Variants in ATRN observed in about 807,000 individuals in gnomAD.
The protein encoded by ATRN is attractin-2.
Under a neutral mutation model 178.7 loss-of-function variants are expected in ATRN, and 54 were observed. The observed-to-expected ratio is 0.30, with a 90% CI of 0.24 to 0.38. The LOEUF is 0.38. Ranked by LOEUF, ATRN falls within the 10% of genes least tolerant of loss-of-function variation. The pLI is 1.00. For synonymous variants in ATRN, 636 were observed against 663.0 expected, an observed-to-expected ratio of 0.96 and a Z score of 0.63; for missense variants, 1,443 against 1,815.1, an observed-to-expected ratio of 0.79 and a Z score of 3.73.
chr20:3,629,865 C>T (rs1396643090), intron 25 of ATRN, among the ~76,000 whole-genome samples: 1 of 152,178 alleles, frequency 6.6e-6, no homozygotes, highest in African/African-American at 2.4e-5. Context: ...TCTTTCATGC[C>T]GTCTCTGGAC....
chr20:3,497,745 C>A (rs1406562653), intron 1 of ATRN, among the ~76,000 whole-genome samples: 1 of 152,108 alleles, frequency 6.6e-6, no homozygotes, highest in Non-Finnish European at 1.5e-5. Context: ...TGGATAATAT[C>A]CTGCAGAGTG....
chr20:3,528,981 T>G (rs1313466722), intron 1 of ATRN, among the ~76,000 whole-genome samples: 1 of 152,022 alleles, frequency 6.6e-6, no homozygotes, highest in Non-Finnish European at 1.5e-5. Context: ...CTTGGCTAAG[T>G]TTTTTGTGTT....
At chr20:3,503,145 G>A (rs535609471) in intron 1 of ATRN, among the ~76,000 whole-genome samples, 2 of 152,042 alleles carry the variant, frequency 1.3e-5, no homozygotes, top group Non-Finnish European at 2.9e-5. Context: ...AACAAAGCAG[G>A]CTAAATAACA....
intron 18 of ATRN, among the ~76,000 whole-genome samples, chr20:3,588,189 T>G (rs112750727): frequency 1.7e-4 from 26 of 152,320 alleles, no homozygotes; most frequent in African/African-American, 6.3e-4. Flanking sequence ...CCTATGAACC[T>G]GGAATGTCTA....
intron 1 of ATRN, among the ~76,000 whole-genome samples, chr20:3,482,442 T>C (rs1459228676): frequency 1.3e-5 from 2 of 152,228 alleles, no homozygotes; most frequent in Non-Finnish European, 2.9e-5. Context: ...TGATTCTGAA[T>C]GATAAAATGA....
At chr20:3,484,809 A>G (rs1375296488) in intron 1 of ATRN, among the ~76,000 whole-genome samples, 1 of 151,932 alleles carries the variant, frequency 6.6e-6, no homozygotes, top group East Asian at 1.9e-4. Context: ...AGCTTTTTTC[A>G]AATGATCTGA....
intron 1 of ATRN, among the ~76,000 whole-genome samples, chr20:3,522,385 G>A (rs2085307236): frequency 6.6e-6 from 1 of 152,168 alleles, no homozygotes; most frequent in Non-Finnish European, 1.5e-5. Context: ...TCTGGGCAGG[G>A]CATCTCTGAA....
At chr20:3,646,591 G>A (rs2087109397) in intron 28 of ATRN, 132 bp from the exon 29 acceptor site, 1 of 1,292,484 alleles carries the variant, frequency 7.7e-7, no homozygotes, top group African/African-American at 1.5e-5. Flanking sequence ...CCTTTTTGGG[G>A]GTTTTTTGTT....
chr20:3,478,873 T>C (rs1248197272), intron 1 of ATRN, among the ~76,000 whole-genome samples: 1 of 151,522 alleles, frequency 6.6e-6, no homozygotes, highest in East Asian at 1.9e-4. Flanking sequence ...TTTTCATCTC[T>C]ACTTACCAAG....
At chr20:3,516,345 G>A (rs1038969044) in intron 1 of ATRN, among the ~76,000 whole-genome samples, 3 of 151,924 alleles carry the variant, frequency 2.0e-5, no homozygotes, top group African/African-American at 7.3e-5. Context: ...CAGAGAGTTG[G>A]GCTTCTCCAG....
intron 8 of ATRN, among the ~76,000 whole-genome samples, chr20:3,562,071 A>T (rs2085960242): frequency 6.6e-6 from 1 of 152,220 alleles, no homozygotes; most frequent in African/African-American, 2.4e-5. Context: ...ATGGCATATT[A>T]GAACATCAGA....
At chr20:3,574,748 C>T (rs1191540103) in intron 12 of ATRN, among the ~76,000 whole-genome samples, 1 of 152,188 alleles carries the variant, frequency 6.6e-6, no homozygotes, top group African/African-American at 2.4e-5. Context: ...CATTTGCTGT[C>T]ATCTCACCTG....
At chr20:3,579,796 A>G (rs1325112628) in intron 15 of ATRN, among the ~76,000 whole-genome samples, 2 of 152,204 alleles carry the variant, frequency 1.3e-5, no homozygotes, top group East Asian at 3.9e-4. Context: ...CTTACCAAGC[A>G]GGGAGGAGTT....
chr20:3,560,932 C>T (rs999798510), intron 8 of ATRN, 27 bp downstream of exon 8: 1 of 1,608,260 alleles, frequency 6.2e-7, no homozygotes, highest in East Asian at 2.2e-5. Flanking sequence ...CAGTAGATGC[C>T]TTTTGAACAT....
intron 1 of ATRN, chr20:3,490,910 C>T (rs916141899): frequency 6.7e-6 from 8 of 1,199,882 alleles, no homozygotes; most frequent in African/African-American, 3.0e-5. Context: ...CAGAATTGAG[C>T]GTGGACTTCT....
intron 19 of ATRN, chr20:3,592,574 G>A (rs192914696): frequency 6.6e-6 from 5 of 759,780 alleles, no homozygotes; most frequent in Admixed American, 6.2e-5. Context: ...TACTATAGTC[G>A]AAAGACTTTT....
chr20:3,587,826 C>T (rs979336257), intron 18 of ATRN, among the ~76,000 whole-genome samples: 3 of 147,446 alleles, frequency 2.0e-5, no homozygotes, highest in Non-Finnish European at 3.0e-5. Flanking sequence ...GGGTGTATTG[C>T]CTGTTTGTTT....
chr20:3,512,107 A>ATATATATATATATATATATATTTT, intron 1 of ATRN, among the ~76,000 whole-genome samples: 1 of 106,386 alleles, frequency 9.4e-6, no homozygotes, highest in Non-Finnish European at 1.8e-5. Context: ...ATATATATAT[A>ATATATATATATATATATATATTTT]TTTTTTTTTT....
At chr20:3,494,365 GT>G (rs2084848767) in intron 1 of ATRN, among the ~76,000 whole-genome samples, 2 of 152,132 alleles carry the variant, frequency 1.3e-5, no homozygotes, top group African/African-American at 2.4e-5. Context: ...GCATGCAGAG[GT>G]TTCCAGGCAA....
Sources: gnomAD v4.1 joint callset for allele counts (sites outside exome capture counted in the v4.1 genomes callset) on GRCh38, gnomAD v4.1.1 for gene constraint, MANE v1.5 for transcripts, NCBI Gene and HGNC (gene_info 2026-07-23, HGNC 2026-07-21) for gene names.